Variants in PPP5C observed in about 807,000 individuals in gnomAD.
PPP5C encodes protein phosphatase 5 catalytic subunit, also known as serine/threonine-protein phosphatase 5.
Under a neutral mutation model 66.7 loss-of-function variants are expected in PPP5C, and 21 were observed. The observed-to-expected ratio is 0.31, with a 90% CI of 0.22 to 0.45. The LOEUF is 0.45. Ranked by LOEUF, PPP5C falls within the 20% of genes least tolerant of loss-of-function variation. PPP5C has a pLI of 1.00. For synonymous variants in PPP5C, 246 were observed against 257.4 expected (o/e 0.96, Z 0.43); for missense variants, 464 against 675.9 (o/e 0.69, Z 3.48).
At chr19:46,352,529 C>T (rs1372199548) in intron 1 of PPP5C, among the ~76,000 whole-genome samples, 1 of 152,148 alleles carries the variant, frequency 6.6e-6, no homozygotes, top group Non-Finnish European at 1.5e-5. Flanking sequence ...GCTCAGAAGG[C>T]CCACTTCTCG....
chr19:46,350,315 A>T (rs997636454), intron 1 of PPP5C, among the ~76,000 whole-genome samples: 2 of 152,120 alleles, frequency 1.3e-5, no homozygotes, highest in Admixed American at 6.5e-5. Flanking sequence ...GTCCAGGATG[A>T]GGCTGTCTCA....
intron 2 of PPP5C, among the ~76,000 whole-genome samples, chr19:46,355,665 T>C (rs1159999513): frequency 1.3e-5 from 2 of 152,118 alleles, no homozygotes; most frequent in East Asian, 3.9e-4. Flanking sequence ...CCTCATTGTC[T>C]CTTCCTGTCC....
At chr19:46,387,276 G>C in intron 8 of PPP5C, 41 bp downstream of exon 8, 2 of 1,613,898 alleles carry the variant, frequency 1.2e-6, no homozygotes, top group Non-Finnish European at 8.5e-7. Flanking sequence ...TCCCCACCCA[G>C]CCACACCTGG....
Position 46,387,087 on chromosome 19 carries a change from G to A in PPP5C, c.905-6G>A. ...GAGCTTTCTCTTCTGTCCCCGTGTT[G>A]GCCAGGCAACCACGAGACAGACAAC... On this transcript the variant is annotated splice_polypyrimidine_tract_variant and splice_region_variant and intron_variant, in intron 7 of 12. Coordinates refer to ENST00000012443, the MANE Select transcript of PPP5C (RefSeq NM_006247.4). 1.9e-6 allele frequency: 3 copies of A among 1,614,212 alleles called. No homozygotes were observed. Among genetic ancestry groups the A allele is most frequent in the Non-Finnish European group, 2.5e-6 (3 of 1,180,030 alleles).
intron 2 of PPP5C, among the ~76,000 whole-genome samples, chr19:46,367,947 C>T (rs889792987): frequency 1.3e-5 from 2 of 152,154 alleles, no homozygotes; most frequent in African/African-American, 2.4e-5. Flanking sequence ...GTGGTCATTT[C>T]CCCCGTTCCA....
intron 2 of PPP5C, among the ~76,000 whole-genome samples, chr19:46,366,394 A>G (rs1191529219): frequency 1.3e-5 from 2 of 151,958 alleles, no homozygotes; most frequent in African/African-American, 4.8e-5. Context: ...CACCCAGGCT[A>G]GAGTGCAGTG....
intron 1 of PPP5C, among the ~76,000 whole-genome samples, chr19:46,347,940 G>GA (rs199970142): frequency 0.17 from 21,153 of 122,618 alleles, 1,916 homozygotes; most frequent in East Asian, 0.41. Context: ...AACCAGACAT[G>GA]AAAAAAAAAA....
At chr19:46,389,203 A>G (rs1013914862) in intron 11 of PPP5C, among the ~76,000 whole-genome samples, 11 of 151,734 alleles carry the variant, frequency 7.2e-5, no homozygotes, top group African/African-American at 2.7e-4. Flanking sequence ...ACACACCCGT[A>G]ATCCCAGCTA....
At chr19:46,356,162 G>T (rs1033160484) in intron 2 of PPP5C, among the ~76,000 whole-genome samples, 3 of 152,196 alleles carry the variant, frequency 2.0e-5, no homozygotes, top group African/African-American at 4.8e-5. Context: ...GGTTGAGGGG[G>T]TGGGGAATTC....
chr19:46,390,242 C>T, intron 12 of PPP5C, 42 bp from the exon 13 acceptor site: 3 of 1,597,996 alleles, frequency 1.9e-6, no homozygotes, highest in South Asian at 1.1e-5. Context: ...CTCAGGGGCT[C>T]TGTTCTGACT....
intron 2 of PPP5C, among the ~76,000 whole-genome samples, chr19:46,359,443 A>G (rs762162707): frequency 8.5e-5 from 13 of 152,204 alleles, no homozygotes; most frequent in Non-Finnish European, 1.6e-4. Context: ...GGAGCCAGCT[A>G]AAAACATGAG....
At chr19:46,366,486 C>A (rs932786243) in intron 2 of PPP5C, among the ~76,000 whole-genome samples, 4 of 152,104 alleles carry the variant, frequency 2.6e-5, no homozygotes, top group Non-Finnish European at 4.4e-5. Context: ...GCTGGGACTG[C>A]AAGTGCATGC....
chr19:46,352,341 A>T lies in PPP5C; in HGVS notation c.122-1407A>T, dbSNP rs113759240. On this transcript the variant is annotated intron_variant, in intron 1 of 12. Transcript: ENST00000012443. ...GCTGCTGGTAGAAGGACTCTAGGAA[A>T]CCCTAGTCCACAGGGGGTTCCTCAG... Among the ~76,000 whole-genome samples the T allele has an allele frequency of 9.9e-5, 15 of 152,208 alleles. 1 individual carries two copies. The highest frequency in any genetic ancestry group is 3.6e-4 in the African/African-American group (15 of 41,526).
At position 46,388,471 on chromosome 19, in the gene PPP5C, G is replaced by A. The variant is rs757400390; in HGVS notation, c.1176+23G>A. On this transcript the variant is annotated intron_variant, in intron 10 of 12. Transcript: ENST00000012443. This position sits in a 1 kb window ranked among gnomAD's most constrained non-coding sequence, Gnocchi z 4.9. ...CAGGTGAGTCTAGGGTGGGGTGCAGGGCCGGCGGGTGTGGGCTGTGGCAGC... is the reference window on the plus strand; with the variant it reads ...CAGGTGAGTCTAGGGTGGGGTGCAGAGCCGGCGGGTGTGGGCTGTGGCAGC... 6 of 1,611,046 alleles carry A rather than the reference G, an allele frequency of 3.7e-6. No homozygotes were observed. The highest frequency in any genetic ancestry group is 5.1e-6 in the Non-Finnish European group (6 of 1,177,754).
chr19:46,387,218 A>G lies in PPP5C; in HGVS notation c.1030A>G (p.Ile344Val), dbSNP rs772234226. ...VFEWLPLAQC[I>V]NGKVLIMHGG... ...CGAGTGGCTCCCGTTGGCCCAGTGC[A>G]TCAACGGCAAAGTGCTGGTGAGGAC... Residue 344 changes from isoleucine to valine, a missense_variant, in exon 8 of 13, where the codon ATC becomes GTC. Coordinates refer to ENST00000012443, the MANE Select transcript of PPP5C (RefSeq NM_006247.4). 1 of 1,614,230 alleles carries G rather than the reference A, an allele frequency of 6.2e-7. No individual in the cohort carries two copies. Among genetic ancestry groups the G allele is most frequent in the Non-Finnish European group, 8.5e-7 (1 of 1,180,034 alleles).
intron 1 of PPP5C, among the ~76,000 whole-genome samples, chr19:46,351,452 T>C (rs1972182092): frequency 6.6e-6 from 1 of 152,188 alleles, no homozygotes; most frequent in South Asian, 2.1e-4. Flanking sequence ...TGCAGCCAGT[T>C]TTCTTACACA....
chr19:46,374,051 C>G (rs1224323086), intron 2 of PPP5C, among the ~76,000 whole-genome samples: 1 of 152,164 alleles, frequency 6.6e-6, no homozygotes. Flanking sequence ...ATAACCACTC[C>G]TCATTGGGAA....
At chr19:46,386,987 TG>T (rs1972900320) in intron 7 of PPP5C, 105 bp from the exon 8 acceptor site, 14 of 1,520,134 alleles carry the variant, frequency 9.2e-6, no homozygotes, top group Non-Finnish European at 9.0e-6. Flanking sequence ...GCGAGGCCCA[TG>T]GGGGCAAGGG....
intron 2 of PPP5C, among the ~76,000 whole-genome samples, chr19:46,356,749 G>A (rs1972293718): frequency 6.6e-6 from 1 of 152,244 alleles, no homozygotes; most frequent in Admixed American, 6.5e-5. Flanking sequence ...TTTGGAGGAA[G>A]TGTGTATAAA....
Sources: allele counts gnomAD v4.1 joint callset (sites outside exome capture counted in the v4.1 genomes callset), GRCh38; gene constraint gnomAD v4.1.1; non-coding constraint Gnocchi (gnomAD v3.1); transcripts MANE v1.5; gene names NCBI Gene and HGNC (gene_info 2026-07-23, HGNC 2026-07-21).